Variants in PRKG1 observed in about 807,000 individuals in gnomAD.
The protein encoded by PRKG1 is protein kinase cGMP-dependent 1.
PRKG1 carries 35 observed loss-of-function variants against 88.1 expected under a neutral mutation model. The ratio of observed to expected loss-of-function variants is 0.40; its 90% CI spans 0.30 to 0.53. The LOEUF is 0.53. Among genes scored for constraint, PRKG1 ranks in the 20% least tolerant of loss-of-function variants. The pLI is 0.59. For missense variants in PRKG1, 540 were observed against 839.8 expected, an observed-to-expected ratio of 0.64 and a Z score of 4.41; for synonymous variants, 303 against 292.5, an observed-to-expected ratio of 1.04 and a Z score of -0.37.
chr10:52,106,203 T>C (rs138691102), intron 7 of PRKG1, among the ~76,000 whole-genome samples: 1,546 of 152,302 alleles, frequency 0.01, 23 homozygotes, highest in African/African-American at 0.032. Flanking sequence ...AATGAAGGCC[T>C]TCCAGGTGTC....
At chr10:51,544,517 C>T (rs1430933545) in intron 3 of PRKG1, among the ~76,000 whole-genome samples, 5 of 151,994 alleles carry the variant, frequency 3.3e-5, no homozygotes, top group East Asian at 1.9e-4. Flanking sequence ...AGTAAACATA[C>T]GTGTGCATGT....
At chr10:51,009,074 C>T (rs1245814230) in intron 1 of PRKG1, among the ~76,000 whole-genome samples, 1 of 152,038 alleles carries the variant, frequency 6.6e-6, no homozygotes, top group South Asian at 2.1e-4. Flanking sequence ...CAAAATTGGG[C>T]TTAAAATGTG....
chr10:51,936,072 C>T (rs1378786748), intron 5 of PRKG1, among the ~76,000 whole-genome samples: 2 of 151,958 alleles, frequency 1.3e-5, no homozygotes, highest in Non-Finnish European at 2.9e-5. Context: ...TTCAAGGAAA[C>T]TGGATCTTCC....
chr10:51,896,180 G>A (rs1004576464), intron 4 of PRKG1, among the ~76,000 whole-genome samples: 1 of 152,130 alleles, frequency 6.6e-6, no homozygotes, highest in Non-Finnish European at 1.5e-5. Context: ...AGCACTCTTT[G>A]AGTCTAGACT....
At chr10:52,125,077 A>C (rs966375964) in intron 7 of PRKG1, among the ~76,000 whole-genome samples, 18 of 152,210 alleles carry the variant, frequency 1.2e-4, no homozygotes, top group Admixed American at 1.0e-3. Context: ...AACAATAAAA[A>C]GCATAATGTA....
At chr10:51,140,870 GAA>G (rs1461988761) in intron 1 of PRKG1, among the ~76,000 whole-genome samples, 3 of 152,114 alleles carry the variant, frequency 2.0e-5, no homozygotes, top group Non-Finnish European at 4.4e-5. Context: ...ACCACTGCAT[GAA>G]AGAGTCCCCT....
chr10:51,801,389 T>A (rs1315567478), intron 3 of PRKG1, among the ~76,000 whole-genome samples: 1 of 152,110 alleles, frequency 6.6e-6, no homozygotes, highest in Non-Finnish European at 1.5e-5. Flanking sequence ...ACAAAACCCA[T>A]TCTTAGCCAG....
At chr10:52,062,473 T>G in intron 6 of PRKG1, 64 bp from the exon 7 acceptor site, 2 of 972,002 alleles carry the variant, frequency 2.1e-6, no homozygotes, top group Non-Finnish European at 3.0e-6. Flanking sequence ...ACTTCATTAA[T>G]TAGTGTTCCT....
intron 3 of PRKG1, among the ~76,000 whole-genome samples, chr10:51,577,867 C>A (rs1837928165): frequency 6.6e-6 from 1 of 152,038 alleles, no homozygotes. Flanking sequence ...TTCCGTGCTT[C>A]CTGGAATATT....
At chr10:52,187,592 T>G (rs181227144) in intron 9 of PRKG1, among the ~76,000 whole-genome samples, 93 of 152,352 alleles carry the variant, frequency 6.1e-4, no homozygotes, top group African/African-American at 2.2e-3. Context: ...TTACAAGTTC[T>G]GTCAACATGG....
chr10:51,240,764 G>A (rs924281161), intron 2 of PRKG1, among the ~76,000 whole-genome samples: 3 of 152,138 alleles, frequency 2.0e-5, no homozygotes, highest in Non-Finnish European at 4.4e-5. Flanking sequence ...ATCCTTGGTA[G>A]TCAATGGAAG....
At chr10:51,235,509 G>A (rs113865429) in intron 2 of PRKG1, among the ~76,000 whole-genome samples, 2 of 152,024 alleles carry the variant, frequency 1.3e-5, no homozygotes, top group African/African-American at 4.8e-5. Flanking sequence ...AAGTTCTTTT[G>A]GTTTTTGTCA....
chr10:52,270,895 TA>T (rs144200308), intron 10 of PRKG1, among the ~76,000 whole-genome samples: 4,562 of 151,340 alleles, frequency 0.03, 293 homozygotes, highest in East Asian at 0.23. Flanking sequence ...AAAAAAAAGA[TA>T]AAAAAAATTA....
intron 2 of PRKG1, among the ~76,000 whole-genome samples, chr10:51,184,984 G>A (rs1837448523): frequency 1.3e-5 from 2 of 152,070 alleles, no homozygotes; most frequent in South Asian, 4.1e-4. Context: ...CTTTATTTAA[G>A]CATTTAGGTT....
At chr10:51,172,186 C>A (rs1837043257) in intron 2 of PRKG1, among the ~76,000 whole-genome samples, 1 of 151,952 alleles carries the variant, frequency 6.6e-6, no homozygotes, top group Non-Finnish European at 1.5e-5. Context: ...AAAATTGCAT[C>A]ACCTATTCCA....
chr10:51,647,303 T>C (rs1012813044), intron 3 of PRKG1, among the ~76,000 whole-genome samples: 5 of 152,160 alleles, frequency 3.3e-5, no homozygotes, highest in African/African-American at 1.2e-4. Flanking sequence ...CACTTAACTT[T>C]TCAGACACTT....
In PRKG1 at chr10:51,074,756, G is replaced by T. The variant is rs1353386186; in HGVS notation, c.166G>T (p.Ala56Ser). The T allele has an allele frequency of 6.2e-7, 1 of 1,614,072 alleles. No individual in the cohort carries two copies. The highest frequency in any genetic ancestry group is 2.2e-5 in the East Asian group (1 of 44,858). ...LDKYRSVIRP[A>S]TQQAQKQSAS... The stretch of plus-strand genomic sequence containing the variant: ...CAAGTACCGCTCGGTGATCCGACCA[G>T]CCACCCAGCAGGCGCAGAAGCAGAG... The change falls in exon 1 of 18, where the codon GCC becomes TCC. Residue 56 changes from alanine (A) to serine (S), a missense_variant. Coordinates refer to ENST00000373980, the MANE Select transcript of PRKG1 (RefSeq NM_006258.4).
chr10:51,892,415 A>C (rs1236882955), intron 4 of PRKG1, among the ~76,000 whole-genome samples: 2 of 152,178 alleles, frequency 1.3e-5, no homozygotes, highest in East Asian at 3.9e-4. Context: ...ACTAAGGATT[A>C]AGAGTCCTAG....
chr10:51,090,216 C>A (rs183635580), intron 1 of PRKG1, among the ~76,000 whole-genome samples: 4 of 152,160 alleles, frequency 2.6e-5, no homozygotes, highest in Non-Finnish European at 5.9e-5. Context: ...GTTCTCATTA[C>A]TATCATAATT....
Sources: gnomAD v4.1 joint callset for allele counts (sites outside exome capture counted in the v4.1 genomes callset) on GRCh38, gnomAD v4.1.1 for gene constraint, MANE v1.5 for transcripts, NCBI Gene and HGNC (gene_info 2026-07-23, HGNC 2026-07-21) for gene names.